Variants in XAB2 observed in about 807,000 individuals in gnomAD.
XAB2 encodes pre-mRNA-splicing factor SYF1.
A neutral mutation model predicts 113.4 loss-of-function variants in XAB2; 57 were observed. That is an observed-to-expected ratio of 0.50 (90% confidence interval 0.41 to 0.63). The LOEUF is 0.63. XAB2 is among the 20% of genes least tolerant of loss of function. The pLI is 0.00. For synonymous variants in XAB2, 497 were observed against 498.8 expected, an observed-to-expected ratio of 1.00 and a Z score of 0.05; for missense variants, 1,037 against 1,233.3, an observed-to-expected ratio of 0.84 and a Z score of 2.38.
rs2031081274 is a variant in XAB2, at chr19:7,623,652, T to C, written c.1119+79A>G. 6.7e-7 allele frequency: 1 copy of C among 1,502,300 alleles called. No individual in the cohort carries two copies. The highest frequency in any genetic ancestry group is 1.4e-5 in the African/African-American group (1 of 71,950). 93.1% of individuals were successfully genotyped at this position (1,502,300 alleles called of 1,614,324 possible). On this transcript the variant is annotated intron_variant, in intron 8 of 18. Transcript: ENST00000358368. This position sits in a 1 kb window ranked among gnomAD's most constrained non-coding sequence, Gnocchi z 4.6. ...AAAGTCAGGCCCCTAGAAGGTGACA[T>C]TATGGGTGAAGGTGGGTGGCTCCCC...
In XAB2 at chr19:7,627,617, G is replaced by T; in HGVS notation, c.324+111C>A. On this transcript the variant is annotated intron_variant, in intron 3 of 18. Coordinates refer to ENST00000358368, the MANE Select transcript of XAB2 (RefSeq NM_020196.3). The surrounding 1 kb of genome is among the most constrained non-coding windows in gnomAD (Gnocchi z 4.5). The stretch of plus-strand genomic sequence containing the variant: ...CAACTTCCCATGCAAAGAAGCAACA[G>T]GAATCCAAGCCCCCATCCCTAACAT... The T allele has an allele frequency of 6.4e-7, 1 of 1,550,428 alleles. No individual in the cohort carries two copies. Among genetic ancestry groups the T allele is most frequent in the Non-Finnish European group, 8.7e-7 (1 of 1,144,018 alleles).
At position 7,620,536 on chromosome 19, in the gene XAB2, C is replaced by A. The variant is rs771200676; in HGVS notation, c.2094+11G>T. The A allele has an allele frequency of 1.2e-6, 2 of 1,613,270 alleles. No individual in the cohort carries two copies. Among genetic ancestry groups the A allele is most frequent in the Non-Finnish European group, 1.7e-6 (2 of 1,179,902 alleles). On this transcript the variant is annotated intron_variant, in intron 15 of 18. Coordinates refer to ENST00000358368, the MANE Select transcript of XAB2 (RefSeq NM_020196.3). ...CCCAACCCTGATACCCGTCCCTCCC[C>A]ACAGCCCTACCCGGGGGTCACAGAT...
rs551653238 is a variant in XAB2, at chr19:7,627,351, C to A, written c.414G>T (p.Arg138=). 6.2e-7 allele frequency: 1 copy of A among 1,613,396 alleles called. No individual in the cohort carries two copies. The highest frequency in any genetic ancestry group is 8.5e-7 in the Non-Finnish European group (1 of 1,179,936). The change falls in exon 4 of 19, where the codon CGG becomes CGT. Residue 138 remains arginine, a synonymous_variant. Coordinates refer to ENST00000358368, the MANE Select transcript of XAB2 (RefSeq NM_020196.3). The surrounding 1 kb of genome is among the most constrained non-coding windows in gnomAD (Gnocchi z 4.5). ...HTRRTFDRAL[R]ALPITQHSRI... ...GAGAGTGCTGCGTGATGGGCAGTGC[C>A]CGGAGGGCACGGTCGAAGGTGCGGC...
Position 7,621,052 on chromosome 19 carries a change from G to T in XAB2, c.1781-16C>A. ...AGGTACAAGGCTGGGCGGGGTAGGCGGGGAGAGGGGAGCACGGTCAGCCGG... is the reference window on the plus strand; with the variant it reads ...AGGTACAAGGCTGGGCGGGGTAGGCTGGGAGAGGGGAGCACGGTCAGCCGG... On this transcript the variant is annotated splice_polypyrimidine_tract_variant and intron_variant, in intron 13 of 18. Transcript: ENST00000358368. The T allele has an allele frequency of 6.5e-7, 1 of 1,541,620 alleles. No individual in the cohort carries two copies.
Position 7,629,494 on chromosome 19 carries a change from G to A in XAB2, c.34C>T (p.Arg12Trp). The A allele has an allele frequency of 6.2e-7, 1 of 1,603,344 alleles. No homozygotes were observed. Among genetic ancestry groups the A allele is most frequent in the Non-Finnish European group, 8.5e-7 (1 of 1,175,256 alleles). Residue 12 changes from arginine to tryptophan, a missense_variant, in exon 1 of 19, where the codon CGG becomes TGG. Arg to Trp is a moderately radical substitution (Grantham distance 101). Coordinates refer to ENST00000358368, the MANE Select transcript of XAB2 (RefSeq NM_020196.3). ...VVMARLSRPERPDLVFEEEDL... is the reference protein window; with the variant it reads ...VVMARLSRPEWPDLVFEEEDL... ...GGACTCACGAAGACAAGGTCCGGCC[G>A]CTCGGGCCGCGAGAGTCGCGCCATC...
At chr19:7,619,678 C>T in intron 18 of XAB2, 31 bp from the exon 19 acceptor site, 1 of 1,605,024 alleles carries the variant, frequency 6.2e-7, no homozygotes, top group Non-Finnish European at 8.5e-7. Context: ...AGTCACCCTC[C>T]TGGCGTTGGC....
At chr19:7,626,981 C>G (rs794083) in intron 4 of XAB2, among the ~76,000 whole-genome samples, 94,057 of 152,088 alleles carry the variant, frequency 0.62, 29,717 homozygotes, top group African/African-American at 0.72. Flanking sequence ...TGTCTTCCTA[C>G]TTAGACTAAA....
In XAB2 at chr19:7,624,276, C is replaced by G; in HGVS notation, c.967+25G>C. Reference sequence around the variant, plus strand: ...TAATGTCCACTCAGCTCTCTCCCCACCAGCCGGGGCCCCCAGAGGCTCACC... The same window carrying G: ...TAATGTCCACTCAGCTCTCTCCCCAGCAGCCGGGGCCCCCAGAGGCTCACC... On this transcript the variant is annotated intron_variant, in intron 7 of 18. Transcript: ENST00000358368. This position sits in a 1 kb window ranked among gnomAD's most constrained non-coding sequence, Gnocchi z 4.2. The G allele has an allele frequency of 6.2e-7, 1 of 1,611,122 alleles. No individual in the cohort carries two copies.
rs1490092336 is a variant in XAB2, at chr19:7,624,503, G to A, written c.823-58C>T. 1.9e-6 allele frequency: 3 copies of A among 1,608,280 alleles called. No individual in the cohort carries two copies. The highest frequency in any genetic ancestry group is 1.7e-5 in the Admixed American group (1 of 59,922). On this transcript the variant is annotated intron_variant, in intron 6 of 18. Coordinates refer to ENST00000358368, the MANE Select transcript of XAB2 (RefSeq NM_020196.3). The surrounding 1 kb of genome is among the most constrained non-coding windows in gnomAD (Gnocchi z 4.2). ...AAAGTGGCGCAGGGGACAGGCAGCA[G>A]CACTCTTAGCACCAGCCTCAATGTG...
In XAB2 at chr19:7,620,877, T is replaced by C; in HGVS notation, c.1940A>G (p.His647Arg). Residue 647 changes from histidine (H) to arginine (R), a missense_variant, in exon 14 of 19, where the codon CAC becomes CGC. Transcript: ENST00000358368. The stretch of plus-strand genomic sequence containing the variant: ...GGCCTTCTGGTAGATGCCGCGGGTG[T>C]GGGTGACCCCATAGATCTCGGCCGC... ...KRAAEIYGVT[H>R]TRGIYQKAIE... The C allele has an allele frequency of 6.3e-7, 1 of 1,596,992 alleles. No homozygotes were observed. The highest frequency in any genetic ancestry group is 1.1e-5 in the South Asian group (1 of 88,332).
chr19:7,623,004 GCACA>G lies in XAB2; in HGVS notation c.1240-115_1240-112del, dbSNP rs2031067524. ...CAAACATACAGGCACAAACACACAGGCACACACACAGGCACACACATGCGTGCAC... is the reference window on the plus strand; with the variant it reads ...CAAACATACAGGCACAAACACACAGGCACACAGGCACACACATGCGTGCAC... On this transcript the variant is annotated intron_variant, in intron 9 of 18. Transcript: ENST00000358368. This position sits in a 1 kb window ranked among gnomAD's most constrained non-coding sequence, Gnocchi z 4.6. 4.5e-6 allele frequency: 7 copies of G among 1,543,822 alleles called. No homozygotes were observed. The highest frequency in any genetic ancestry group is 2.4e-5 in the East Asian group (1 of 41,930).
Position 7,622,757 on chromosome 19 carries a change from C to G in XAB2, c.1371+5G>C. ...CCCCACCCCACAGCCTGGGCCTGTT[C>G]TCACTCGCAGCAGCCGCAAGGCCTC... On this transcript the variant is annotated splice_donor_5th_base_variant and intron_variant, in intron 10 of 18. Coordinates refer to ENST00000358368, the MANE Select transcript of XAB2 (RefSeq NM_020196.3). The G allele has an allele frequency of 6.2e-7, 1 of 1,613,978 alleles. No individual in the cohort carries two copies. Among genetic ancestry groups the G allele is most frequent in the Non-Finnish European group, 8.5e-7 (1 of 1,180,014 alleles).
chr19:7,625,699 G>A lies in XAB2; in HGVS notation c.822+181C>T, dbSNP rs1168093036. On this transcript the variant is annotated intron_variant, in intron 6 of 18. Transcript: ENST00000358368. The surrounding 1 kb of genome is among the most constrained non-coding windows in gnomAD (Gnocchi z 5.2). ...TCACCATGTTGGCCAGGCTGGTCTT[G>A]AACTGCTGACCTCAAGTGATCCTAC... Among the ~76,000 whole-genome samples the A allele has an allele frequency of 2.0e-5, 3 of 152,072 alleles. No individual in the cohort carries two copies. Among genetic ancestry groups the A allele is most frequent in the Non-Finnish European group, 4.4e-5 (3 of 68,000 alleles).
rs2031215934 is a variant in XAB2, at chr19:7,629,529, T to C, written c.-2A>G. 8 of 1,604,676 alleles carry C rather than the reference T, an allele frequency of 5.0e-6. No homozygotes were observed. The highest frequency in any genetic ancestry group is 4.5e-5 in the East Asian group (2 of 44,534). On this transcript the variant is annotated 5_prime_UTR_variant, in exon 1 of 19. Transcript: ENST00000358368. The stretch of plus-strand genomic sequence containing the variant: ...CGAGAGTCGCGCCATCACCACCATT[T>C]TTCTGGATGCCCAGGTACAGGAGAG...
In XAB2 at chr19:7,621,160, G is replaced by A. The variant is rs761423031; in HGVS notation, c.1755C>T (p.Asp585=). The stretch of plus-strand genomic sequence containing the variant: ...TCTTGGCATATTTTGGGGGGCAGCC[G>A]TCCAGAGCCTGTTCAAACAGGTCCC... ...RARDLFEQAL[D]GCPPKYAKTL... The change falls in exon 13 of 19, where the codon GAC becomes GAT. Residue 585 remains aspartate, a synonymous_variant. Coordinates refer to ENST00000358368, the MANE Select transcript of XAB2 (RefSeq NM_020196.3). 118 of 1,471,044 alleles carry A rather than the reference G, an allele frequency of 8.0e-5. No homozygotes were observed. Among genetic ancestry groups the A allele is most frequent in the African/African-American group, 1.2e-4 (8 of 68,784 alleles). The allele number at this position is 1,471,044 out of a possible 1,614,324, so 91.1% of individuals were successfully genotyped here.
rs530771257 is a variant in XAB2, at chr19:7,628,337, C to G, written c.52-39G>C. The G allele has an allele frequency of 2.5e-6, 4 of 1,612,692 alleles. No individual in the cohort carries two copies. The South Asian group carries it at 4.4e-5, about 18-fold the overall frequency. ...GGAATGGGAAGAAGAGAGGCCTACC[C>G]TCAGAGCCTGTGTGCAGCACCATCC... On this transcript the variant is annotated intron_variant, in intron 1 of 18. Transcript: ENST00000358368. The surrounding 1 kb of genome is among the most constrained non-coding windows in gnomAD (Gnocchi z 4.6).
Position 7,623,257 on chromosome 19 carries a change from C to T in XAB2, c.1152G>A (p.Thr384=), listed in dbSNP as rs1000794029. Residue 384 remains threonine, a synonymous_variant, in exon 9 of 19, where the codon ACG becomes ACA. Transcript: ENST00000358368. This position sits in a 1 kb window ranked among gnomAD's most constrained non-coding sequence, Gnocchi z 4.6. ...TGCCTGTGGCCTTGAAGGGGTCCACCGTCTGCACAGCCTCTGTGTAGGTGT... is the reference window on the plus strand; with the variant it reads ...TGCCTGTGGCCTTGAAGGGGTCCACTGTCTGCACAGCCTCTGTGTAGGTGT... ...IINTYTEAVQ[T]VDPFKATGKP... The T allele has an allele frequency of 7.4e-6, 12 of 1,613,588 alleles. No homozygotes were observed. Among genetic ancestry groups the T allele is most frequent in the African/African-American group, 2.7e-5 (2 of 74,918 alleles).
intron 16 of XAB2, 44 bp downstream of exon 16, chr19:7,620,231 T>C (rs764433837): frequency 1.2e-6 from 2 of 1,609,934 alleles, no homozygotes; most frequent in South Asian, 2.2e-5. Flanking sequence ...CAGGCCGGGC[T>C]GAGATGCCCT....
At chr19:7,626,350 T>TCCCCC in intron 4 of XAB2, 80 bp from the exon 5 acceptor site, 1 of 1,546,290 alleles carries the variant, frequency 6.5e-7, no homozygotes, top group Non-Finnish European at 8.7e-7. Flanking sequence ...CTTCGGGGCG[T>TCCCCC]CCCCCCCCAC....
Sources: gnomAD v4.1 joint callset for allele counts (sites outside exome capture counted in the v4.1 genomes callset) on GRCh38, gnomAD v4.1.1 for gene constraint, Gnocchi (gnomAD v3.1) non-coding constraint, MANE v1.5 for transcripts, NCBI Gene and HGNC (gene_info 2026-07-23, HGNC 2026-07-21) for gene names.